NKAIN2: variants seen among roughly 807,000 people sequenced by gnomAD.
NKAIN2 encodes sodium/potassium transporting ATPase interacting 2.
In NKAIN2, 14 loss-of-function variants were observed where a neutral mutation model predicts 32.6. That is an observed-to-expected ratio of 0.43 (90% confidence interval 0.28 to 0.67). NKAIN2 has a LOEUF of 0.67. Among genes scored for constraint, NKAIN2 ranks in the 30% least tolerant of loss-of-function variants. The pLI, the probability that NKAIN2 is intolerant of heterozygous loss-of-function variation, is 0.17. For missense variants in NKAIN2, 198 were observed against 258.3 expected (o/e 0.77, Z 1.60); for synonymous variants, 80 against 87.2 (o/e 0.92, Z 0.46).
At chr6:124,215,974 C>T (rs1460609602) in intron 1 of NKAIN2, among the ~76,000 whole-genome samples, 8 of 151,928 alleles carry the variant, frequency 5.3e-5, no homozygotes, top group East Asian at 1.9e-4. Flanking sequence ...AAAAATTAGC[C>T]GGGCCTGGTG....
intron 3 of NKAIN2, among the ~76,000 whole-genome samples, chr6:124,517,392 A>C (rs1410323469): frequency 6.6e-6 from 1 of 152,090 alleles, no homozygotes; most frequent in Non-Finnish European, 1.5e-5. Context: ...ATACACAAAA[A>C]TCTGATCTTT....
At chr6:124,080,231 G>T (rs1783895480) in intron 1 of NKAIN2, among the ~76,000 whole-genome samples, 1 of 151,992 alleles carries the variant, frequency 6.6e-6, no homozygotes, top group Admixed American at 6.6e-5. Flanking sequence ...CTTCTGTAAG[G>T]GGAAGATACA....
chr6:124,232,621 A>G (rs959728873), intron 1 of NKAIN2, among the ~76,000 whole-genome samples: 6 of 152,146 alleles, frequency 3.9e-5, no homozygotes, highest in Non-Finnish European at 7.4e-5. Context: ...GTCTGTCTCT[A>G]TGTTATCCCC....
intron 3 of NKAIN2, among the ~76,000 whole-genome samples, chr6:124,569,763 T>C (rs1284968509): frequency 2.0e-5 from 3 of 152,170 alleles, no homozygotes; most frequent in Non-Finnish European, 4.4e-5. Flanking sequence ...ATCAACAGCA[T>C]AAATATGGAC....
intron 4 of NKAIN2, among the ~76,000 whole-genome samples, chr6:124,770,466 T>C (rs933713806): frequency 9.9e-5 from 15 of 152,202 alleles, no homozygotes; most frequent in Non-Finnish European, 2.1e-4. Context: ...AAATCCCATT[T>C]CCATTTCCCC....
chr6:124,555,051 C>T lies in NKAIN2; in HGVS notation c.274-103135C>T, dbSNP rs143149200. Among the ~76,000 whole-genome samples, 1,476 of 152,324 alleles carry T rather than the reference C, an allele frequency of 9.7e-3. 8 individuals carry two copies. The highest frequency in any genetic ancestry group is 0.017 in the Admixed American group (254 of 15,294). On this transcript the variant is annotated intron_variant, in intron 3 of 6. Coordinates refer to ENST00000368417, the MANE Select transcript of NKAIN2 (RefSeq NM_001040214.3). ...GATTCCCACTAGGACCCTCGGACAA[C>T]TCCAGTTAAACCTTCAGACCCAAGA...
At chr6:124,235,191 A>G (rs543459045) in intron 1 of NKAIN2, among the ~76,000 whole-genome samples, 5 of 152,300 alleles carry the variant, frequency 3.3e-5, no homozygotes, top group South Asian at 4.1e-4. Context: ...TGCTTCATCT[A>G]TCTTCACTTT....
Position 124,651,601 on chromosome 6 carries a change from C to T in NKAIN2, c.274-6585C>T, listed in dbSNP as rs1213089584. ...CTCAGGAACAGTGGCCCGAGCTGTA[C>T]TTGAGGCTGCTTAAGCCACAGCTGT... On this transcript the variant is annotated intron_variant, in intron 3 of 6. Coordinates refer to ENST00000368417, the MANE Select transcript of NKAIN2 (RefSeq NM_001040214.3). Among the ~76,000 whole-genome samples the T allele has an allele frequency of 2.0e-5, 3 of 152,122 alleles. No homozygotes were observed. The South Asian group carries it at 6.2e-4, about 31-fold the overall frequency.
intron 4 of NKAIN2, among the ~76,000 whole-genome samples, chr6:124,675,176 T>A (rs1450675901): frequency 6.6e-6 from 1 of 152,114 alleles, no homozygotes; most frequent in Non-Finnish European, 1.5e-5. Context: ...AATTGATTTT[T>A]GTATGTTGAA....
chr6:124,485,362 A>G (rs1299306795), intron 3 of NKAIN2, among the ~76,000 whole-genome samples: 5 of 152,054 alleles, frequency 3.3e-5, no homozygotes, highest in Non-Finnish European at 7.4e-5. Context: ...AACAAATGAT[A>G]AGTAGTTAAT....
At chr6:124,739,637 G>C (rs998583000) in intron 4 of NKAIN2, among the ~76,000 whole-genome samples, 6 of 151,814 alleles carry the variant, frequency 4.0e-5, no homozygotes, top group Non-Finnish European at 8.8e-5. Flanking sequence ...TGACTGGGTT[G>C]AGTGCATGAA....
chr6:124,654,139 CATG>C (rs1327771888), intron 3 of NKAIN2, among the ~76,000 whole-genome samples: 2 of 152,002 alleles, frequency 1.3e-5, no homozygotes, highest in Admixed American at 6.6e-5. Flanking sequence ...TCAACATGAG[CATG>C]ATATTTACAA....
At chr6:123,804,964 G>T (rs1413119887) in intron 1 of NKAIN2, among the ~76,000 whole-genome samples, 1 of 152,146 alleles carries the variant, frequency 6.6e-6, no homozygotes, top group Non-Finnish European at 1.5e-5. Context: ...TCCTGAAATA[G>T]ATACTGTTGT....
chr6:124,522,245 C>G (rs913990235), intron 3 of NKAIN2, among the ~76,000 whole-genome samples: 1 of 152,114 alleles, frequency 6.6e-6, no homozygotes, highest in African/African-American at 2.4e-5. Flanking sequence ...ATGCTATGTT[C>G]ATGTAAAACT....
intron 1 of NKAIN2, among the ~76,000 whole-genome samples, chr6:124,041,443 A>G (rs1032758211): frequency 3.9e-5 from 6 of 151,966 alleles, no homozygotes; most frequent in African/African-American, 7.3e-5. Context: ...AGTTAATTTA[A>G]TGCTATTGAT....
At chr6:124,240,052 A>T (rs1793000509) in intron 1 of NKAIN2, among the ~76,000 whole-genome samples, 1 of 152,228 alleles carries the variant, frequency 6.6e-6, no homozygotes, top group Admixed American at 6.6e-5. Flanking sequence ...ATAAAAAATG[A>T]TAAAGGGGAT....
chr6:124,693,113 T>G (rs140337868), intron 4 of NKAIN2, among the ~76,000 whole-genome samples: 1 of 152,324 alleles, frequency 6.6e-6, no homozygotes, highest in Non-Finnish European at 1.5e-5. Flanking sequence ...GTCGTTTGTA[T>G]AGAATTCTCC....
chr6:124,421,904 G>A (rs891819274), intron 3 of NKAIN2, among the ~76,000 whole-genome samples: 8 of 152,080 alleles, frequency 5.3e-5, no homozygotes, highest in African/African-American at 1.2e-4. Flanking sequence ...AGCCCTTCTC[G>A]CATCTGCTGT....
chr6:124,527,833 G>A (rs1779376730), intron 3 of NKAIN2, among the ~76,000 whole-genome samples: 1 of 152,110 alleles, frequency 6.6e-6, no homozygotes. Context: ...AGTGGAGGTT[G>A]CATAGGTGAA....
Sources: allele counts gnomAD v4.1 joint callset (sites outside exome capture counted in the v4.1 genomes callset), GRCh38; gene constraint gnomAD v4.1.1; transcripts MANE v1.5; gene names NCBI Gene and HGNC (gene_info 2026-07-23, HGNC 2026-07-21).